SHISAL2A: variants seen among roughly 807,000 people sequenced by gnomAD.
SHISAL2A encodes shisa like 2A.
A neutral mutation model predicts 11.5 loss-of-function variants in SHISAL2A; 18 were observed. The ratio of observed to expected loss-of-function variants is 1.57; its 90% CI spans 1.08 to 2.33. The LOEUF is 2.33. SHISAL2A is among the 30% of genes most tolerant of loss of function. SHISAL2A has a pLI of 0.00. For missense variants in SHISAL2A, 261 were observed against 250.9 expected (o/e 1.04, Z -0.27); for synonymous variants, 94 against 99.6 (o/e 0.94, Z 0.34).
intron 4 of SHISAL2A, among the ~76,000 whole-genome samples, chr1:52,662,700 A>G (rs1210810166): frequency 6.6e-6 from 1 of 151,886 alleles, no homozygotes; most frequent in Non-Finnish European, 1.5e-5. Flanking sequence ...GGCTCTGGAC[A>G]AGTAGATCTC....
chr1:52,653,091 C>G (rs1370173567), intron 2 of SHISAL2A, among the ~76,000 whole-genome samples: 5 of 142,656 alleles, frequency 3.5e-5, no homozygotes, highest in Non-Finnish European at 7.6e-5. Flanking sequence ...GAAACCCAAA[C>G]TAAAAACACA....
chr1:52,639,670 A>G (rs1371267427), intron 1 of SHISAL2A, among the ~76,000 whole-genome samples: 3 of 152,000 alleles, frequency 2.0e-5, no homozygotes, highest in South Asian at 2.1e-4. Context: ...GGAGAATGGC[A>G]TGAACCTGGG....
chr1:52,654,898 A>T (rs1230621757), intron 2 of SHISAL2A, among the ~76,000 whole-genome samples: 2 of 152,190 alleles, frequency 1.3e-5, no homozygotes, highest in African/African-American at 4.8e-5. Flanking sequence ...ATATATAAGG[A>T]TTGGTCGGGT....
chr1:52,667,884 T>C (rs115505737), intron 5 of SHISAL2A, among the ~76,000 whole-genome samples: 1,682 of 152,310 alleles, frequency 0.011, 22 homozygotes, highest in African/African-American at 0.032. Flanking sequence ...ACAGTGCCAT[T>C]GGTGAAGCCT....
At chr1:52,666,213 C>T (rs1392776167) in intron 4 of SHISAL2A, among the ~76,000 whole-genome samples, 1 of 152,056 alleles carries the variant, frequency 6.6e-6, no homozygotes. Context: ...ACACTTTGGA[C>T]GACTGAGACG....
rs1691438277 is a variant in SHISAL2A at position 52,644,140 on chromosome 1, G to A, written c.322+1138G>A. 7.2e-5 allele frequency among the ~76,000 whole-genome samples: 11 copies of A among 151,974 alleles called. No homozygotes were observed. In the South Asian group the frequency reaches 2.3e-3, roughly 31 times the overall value. ...AATACAGCTCACATCTGTCTGCCTC[G>A]AGTCACCATACTGGGTATGTGCAAG... On this transcript the variant is annotated intron_variant, in intron 2 of 2. Transcript: ENST00000517870.
Position 52,657,004 on chromosome 1 carries a change from T to C in SHISAL2A, c.537T>C (p.Ser179=). The C allele has an allele frequency of 6.2e-7, 1 of 1,613,778 alleles. No individual in the cohort carries two copies. Among genetic ancestry groups the C allele is most frequent in the South Asian group, 1.1e-5 (1 of 91,026 alleles). Residue 179 remains serine, a synonymous_variant, in exon 3 of 3, where the codon TCT becomes TCC. Transcript: ENST00000517870. ...TTCCAGGCAGCCCTGAGGAAGCCTC[T>C]GTACCCAACCCTGACCTATGTGGAC... ...SDIPGSPEEA[S]VPNPDLCGPV...
At chr1:52,666,385 G>A (rs1346331517) in intron 4 of SHISAL2A, among the ~76,000 whole-genome samples, 3 of 152,112 alleles carry the variant, frequency 2.0e-5, no homozygotes, top group Admixed American at 6.5e-5. Flanking sequence ...CCAGGAGGCG[G>A]AGGTTGCAGT....
At chr1:52,651,260 C>T (rs903436960) in intron 2 of SHISAL2A, among the ~76,000 whole-genome samples, 11 of 152,114 alleles carry the variant, frequency 7.2e-5, no homozygotes, top group East Asian at 3.9e-4. Context: ...TTTTTTGAGA[C>T]GGAGTCTCGC....
chr1:52,665,131 T>G (rs1691987086), intron 4 of SHISAL2A, among the ~76,000 whole-genome samples: 2 of 152,168 alleles, frequency 1.3e-5, no homozygotes, highest in African/African-American at 2.4e-5. Flanking sequence ...ACTTTGGAAG[T>G]TGTGATGTGC....
intron 2 of SHISAL2A, among the ~76,000 whole-genome samples, chr1:52,649,985 G>A (rs567788486): frequency 2.1e-4 from 32 of 152,280 alleles, no homozygotes; most frequent in African/African-American, 7.5e-4. Flanking sequence ...AGGCAGTCAT[G>A]TGCCTAAGGT....
chr1:52,644,099 A>G (rs957627539), intron 2 of SHISAL2A, among the ~76,000 whole-genome samples: 3 of 152,228 alleles, frequency 2.0e-5, no homozygotes, highest in African/African-American at 4.8e-5. Flanking sequence ...GTCATAGCTA[A>G]TAAGTGGTGG....
At chr1:52,659,025 TGG>T (rs1558094148), downstream of SHISAL2A, among the ~76,000 whole-genome samples, 6 of 139,620 alleles carry the variant, frequency 4.3e-5, no homozygotes, top group Non-Finnish European at 7.6e-5. Context: ...TTGTTGTTGG[TGG>T]TGGTGGTGGT....
intron 5 of SHISAL2A, among the ~76,000 whole-genome samples, chr1:52,667,937 C>T (rs149885768): frequency 1.5e-3 from 232 of 152,296 alleles, no homozygotes; most frequent in Non-Finnish European, 2.5e-3. Context: ...GTTTAGTAAG[C>T]ATTCCCCACA....
At chr1:52,644,724 A>G (rs1352975411) in intron 2 of SHISAL2A, among the ~76,000 whole-genome samples, 1 of 138,242 alleles carries the variant, frequency 7.2e-6, no homozygotes, top group African/African-American at 2.7e-5. Context: ...ACCGTGTCTC[A>G]GAAAAAAGTG....
At chr1:52,666,738 A>T (rs879429915) in intron 4 of SHISAL2A, among the ~76,000 whole-genome samples, 5 of 152,174 alleles carry the variant, frequency 3.3e-5, no homozygotes, top group Admixed American at 2.6e-4. Flanking sequence ...TGGCAAAATT[A>T]AGCAAAAAGG....
chr1:52,660,483 C>T (rs269324), downstream of SHISAL2A, among the ~76,000 whole-genome samples: 48,804 of 152,004 alleles, frequency 0.32, 9,058 homozygotes, highest in East Asian at 0.64. Context: ...TGGGCTGATA[C>T]GCAGACAGAA....
At chr1:52,632,885 G>A (rs1691155912), upstream of SHISAL2A, among the ~76,000 whole-genome samples, 1 of 152,144 alleles carries the variant, frequency 6.6e-6, no homozygotes, top group African/African-American at 2.4e-5. Context: ...CTTTAACACG[G>A]ATGCGAACAT....
Position 52,663,630 on chromosome 1 carries a change from G to A in SHISAL2A, n.696-3769G>A, listed in dbSNP as rs145439420. On this transcript the variant is annotated intron_variant and non_coding_transcript_variant, in intron 4 of 5. Coordinates refer to the SHISAL2A transcript ENST00000401050. ...ACAAAAATTAGCCGGGCGTGGTGGCGCATGCCTGTGATCCCAGCTACTCGG... is the reference window on the plus strand; with the variant it reads ...ACAAAAATTAGCCGGGCGTGGTGGCACATGCCTGTGATCCCAGCTACTCGG... Among the ~76,000 whole-genome samples, 382 of 152,206 alleles carry A rather than the reference G, an allele frequency of 2.5e-3. 1 individual carries two copies. The highest frequency in any genetic ancestry group is 8.9e-3 in the African/African-American group (368 of 41,532).
Sources: gnomAD v4.1 joint callset for allele counts (sites outside exome capture counted in the v4.1 genomes callset) on GRCh38, gnomAD v4.1.1 for gene constraint, MANE v1.5 for transcripts, NCBI Gene and HGNC (gene_info 2026-07-23, HGNC 2026-07-21) for gene names.